The following FRMD4A variants were observed in gnomAD, a reference collection of about 807,000 sequenced individuals.
FRMD4A encodes the protein FERM domain containing 4A.
In FRMD4A, 29 loss-of-function variants were observed where a neutral mutation model predicts 129.1. The observed-to-expected ratio is 0.22, with a 90% confidence interval of 0.17 to 0.31. The LOEUF is 0.31. Among genes scored for constraint, FRMD4A ranks in the 10% least tolerant of loss-of-function variants. The probability of loss-of-function intolerance (pLI) is 1.00; values close to 1 mark genes in which losing one functional copy is unlikely to be tolerated. For missense variants in FRMD4A, 1,272 were observed against 1,375.8 expected, an observed-to-expected ratio of 0.92 and a Z score of 1.19; for synonymous variants, 634 against 571.6, an observed-to-expected ratio of 1.11 and a Z score of -1.56.
chr10:14,120,051 G>T (rs1280279457), intron 2 of FRMD4A, among the ~76,000 whole-genome samples: 2 of 144,218 alleles, frequency 1.4e-5, no homozygotes, highest in Admixed American at 1.4e-4. Context: ...AGGTAAGTGT[G>T]TGGACAGAGC....
chr10:13,979,107 T>C (rs1313829531), intron 2 of FRMD4A, among the ~76,000 whole-genome samples: 1 of 152,238 alleles, frequency 6.6e-6, no homozygotes, highest in Non-Finnish European at 1.5e-5. Context: ...AATCTCCTGT[T>C]ATTTGGTTTC....
intron 2 of FRMD4A, among the ~76,000 whole-genome samples, chr10:13,995,521 G>T (rs1422938639): frequency 6.6e-6 from 1 of 152,220 alleles, no homozygotes; most frequent in African/African-American, 2.4e-5. Flanking sequence ...GGAGGTGGGG[G>T]TTGCAGTGAG....
chr10:13,737,304 G>A (rs1360948373), intron 12 of FRMD4A, among the ~76,000 whole-genome samples: 2 of 152,180 alleles, frequency 1.3e-5, no homozygotes, highest in African/African-American at 4.8e-5. Flanking sequence ...TGGCCAGGCT[G>A]GTATAGAACT....
intron 2 of FRMD4A, among the ~76,000 whole-genome samples, chr10:13,941,518 A>C (rs527717796): frequency 1.3e-5 from 2 of 152,362 alleles, no homozygotes; most frequent in South Asian, 4.1e-4. Flanking sequence ...GGAACTATGA[A>C]GGCTCAAAAA....
chr10:13,979,317 G>T (rs1424296971), intron 2 of FRMD4A, among the ~76,000 whole-genome samples: 1 of 149,384 alleles, frequency 6.7e-6, no homozygotes, highest in African/African-American at 2.4e-5. Context: ...GCTTGAGAAA[G>T]GGGTCCCCAG....
chr10:13,814,601 AAAAAAAG>A lies in FRMD4A; in HGVS notation c.112-3700_112-3694del, dbSNP rs1180597405. Among the ~76,000 whole-genome samples, 903 of 141,242 alleles carry A rather than the reference AAAAAAAG, an allele frequency of 6.4e-3. 33 individuals carry two copies. The highest frequency in any genetic ancestry group is 0.022 in the African/African-American group (842 of 39,004). 92.7% of individuals were successfully genotyped at this position (141,242 alleles called of 152,430 possible). ...GTTTCAAAAAAAAAAAAAAAAAAAA[AAAAAAAG>A]AAAGAAAGGGAAAGAGAGAGAGAAA... On this transcript the variant is annotated intron_variant, in intron 3 of 24. Coordinates refer to ENST00000357447, the MANE Select transcript of FRMD4A (RefSeq NM_018027.5).
At chr10:13,723,351 T>C (rs1280574930) in intron 12 of FRMD4A, among the ~76,000 whole-genome samples, 1 of 152,226 alleles carries the variant, frequency 6.6e-6, no homozygotes, top group Non-Finnish European at 1.5e-5. Context: ...ATTAAAACCC[T>C]ATGGTTACTA....
chr10:14,072,174 GATCAGCTGAA>G (rs1272986168), intron 2 of FRMD4A, among the ~76,000 whole-genome samples: 1 of 152,134 alleles, frequency 6.6e-6, no homozygotes, highest in East Asian at 1.9e-4. Flanking sequence ...ATCTAGTTGA[GATCAGCTGAA>G]CAACGAGAGT....
chr10:13,911,861 C>A (rs983427616), intron 2 of FRMD4A, among the ~76,000 whole-genome samples: 2 of 152,132 alleles, frequency 1.3e-5, no homozygotes, highest in Admixed American at 1.3e-4. Context: ...TGTGCCTGGC[C>A]TCAAGGAATC....
At chr10:13,991,202 C>T (rs2095602043) in intron 2 of FRMD4A, among the ~76,000 whole-genome samples, 1 of 152,046 alleles carries the variant, frequency 6.6e-6, no homozygotes, top group Non-Finnish European at 1.5e-5. Context: ...CTGACAGCAA[C>T]ATTTAGAAAG....
At chr10:14,066,301 C>T (rs1835056013) in intron 2 of FRMD4A, among the ~76,000 whole-genome samples, 1 of 149,156 alleles carries the variant, frequency 6.7e-6, no homozygotes, top group Admixed American at 6.7e-5. Context: ...TGACAACTTC[C>T]TCTTGGTGGG....
chr10:14,150,264 G>C (rs1427365354), intron 2 of FRMD4A, among the ~76,000 whole-genome samples: 1 of 152,150 alleles, frequency 6.6e-6, no homozygotes, highest in Non-Finnish European at 1.5e-5. Context: ...TAAAAGGAAG[G>C]AGACAAAAGA....
intron 2 of FRMD4A, among the ~76,000 whole-genome samples, chr10:14,165,933 A>G (rs936710667): frequency 6.6e-6 from 1 of 152,180 alleles, no homozygotes; most frequent in Non-Finnish European, 1.5e-5. Flanking sequence ...GACAGGATCA[A>G]CAGAAGCCCA....
At chr10:13,869,437 G>A (rs941683101) in intron 2 of FRMD4A, among the ~76,000 whole-genome samples, 19 of 152,242 alleles carry the variant, frequency 1.2e-4, no homozygotes, top group Admixed American at 1.2e-3. Context: ...ATGGACAGGT[G>A]CGACAGATGT....
Position 13,670,367 on chromosome 10 carries a change from T to A in FRMD4A, c.1374+39A>T, listed in dbSNP as rs749655998. The A allele has an allele frequency of 4.4e-6, 7 of 1,602,958 alleles. No homozygotes were observed. In the South Asian group the frequency reaches 6.6e-5, roughly 15 times the overall value. ...GCCTGACCAATGGGAAAAACAAGGA[T>A]AACATGAGAGAATCCAACAACAGAA... On this transcript the variant is annotated intron_variant, in intron 17 of 24. Coordinates refer to ENST00000357447, the MANE Select transcript of FRMD4A (RefSeq NM_018027.5).
chr10:14,008,342 G>T, intron 2 of FRMD4A: 1 of 1,027,460 alleles, frequency 9.7e-7, no homozygotes, highest in Non-Finnish European at 1.2e-6. Context: ...GTCAGGAGGA[G>T]GGGGGATGGG....
intron 2 of FRMD4A, among the ~76,000 whole-genome samples, chr10:14,055,036 A>T (rs1690077598): frequency 6.6e-6 from 1 of 152,104 alleles, no homozygotes; most frequent in South Asian, 2.1e-4. Context: ...CAAGAGAAGA[A>T]GTTTACTCCC....
intron 2 of FRMD4A, among the ~76,000 whole-genome samples, chr10:14,132,807 G>A (rs1360971716): frequency 6.6e-6 from 1 of 152,218 alleles, no homozygotes; most frequent in East Asian, 1.9e-4. Flanking sequence ...TGCCCTCTGG[G>A]AGTCACACAC....
At chr10:13,801,120 G>A (rs1337115927) in intron 4 of FRMD4A, among the ~76,000 whole-genome samples, 3 of 152,172 alleles carry the variant, frequency 2.0e-5, no homozygotes, top group Non-Finnish European at 4.4e-5. Flanking sequence ...GGTGGCACGT[G>A]CCTGTAGTCC....
Sources: gnomAD v4.1 joint callset for allele counts (sites outside exome capture counted in the v4.1 genomes callset) on GRCh38, gnomAD v4.1.1 for gene constraint, MANE v1.5 for transcripts, NCBI Gene and HGNC (gene_info 2026-07-23, HGNC 2026-07-21) for gene names.